The following DNAJC5 variants were observed in gnomAD, a reference collection of about 807,000 sequenced individuals.
DNAJC5 encodes the protein DnaJ heat shock protein family (Hsp40) member C5.
Under a neutral mutation model 23.2 loss-of-function variants are expected in DNAJC5, and 1 was observed. The ratio of observed to expected loss-of-function variants is 0.04; its 90% CI spans 0.02 to 0.20. The LOEUF (loss-of-function observed/expected upper bound fraction) is 0.20, where lower values mean the gene tolerates loss of function less well. DNAJC5 is among the 10% of genes least tolerant of loss of function. The pLI is 1.00. For synonymous variants in DNAJC5, 136 were observed against 120.0 expected, an observed-to-expected ratio of 1.13 and a Z score of -0.87; for missense variants, 180 against 267.0, an observed-to-expected ratio of 0.67 and a Z score of 2.27.
rs1187749920 is a variant in DNAJC5, at chr20:63,920,058, G to C, written c.-11-8277G>C. On this transcript the variant is annotated intron_variant, in intron 1 of 4. Transcript: ENST00000360864. The surrounding 1 kb of genome is among the most constrained non-coding windows in gnomAD (Gnocchi z 4.6). ...CTGTGTGGACATGTGCCCAGGGCCC[G>C]GGACAGCGCCACGGAAGAGGACGCA... 1 of 381,606 alleles carries C rather than the reference G, an allele frequency of 2.6e-6. No individual in the cohort carries two copies. The highest frequency in any genetic ancestry group is 5.0e-6 in the Non-Finnish European group (1 of 198,816). The allele number at this position is 381,606 out of a possible 1,614,324, so 23.6% of individuals were successfully genotyped here. A position where few individuals can be genotyped will look rare whatever the true frequency, so the allele number is the denominator to read the frequency against.
chr20:63,915,454 A>G (rs939321532), intron 1 of DNAJC5, among the ~76,000 whole-genome samples: 4 of 152,142 alleles, frequency 2.6e-5, no homozygotes, highest in Non-Finnish European at 5.9e-5. Flanking sequence ...GTGCTCATCA[A>G]AAGACACACC....
chr20:63,916,953 G>A (rs753213707), intron 1 of DNAJC5, among the ~76,000 whole-genome samples: 3 of 152,166 alleles, frequency 2.0e-5, no homozygotes, highest in Non-Finnish European at 2.9e-5. Context: ...TGAAAATCAC[G>A]ATTATTCTGT....
At chr20:63,910,299 C>G (rs561867172) in intron 1 of DNAJC5, among the ~76,000 whole-genome samples, 12 of 152,166 alleles carry the variant, frequency 7.9e-5, no homozygotes, top group African/African-American at 2.6e-4. Flanking sequence ...GGTCCCAGCA[C>G]TTTGGGAGGC....
rs1568989567 is a variant in DNAJC5, at chr20:63,929,684, A to ACCCGAGTCACTCCTGCCGTGCAGGCG, written c.321+180_321+181insAGGCGCCCGAGTCACTCCTGCCGTGC. ...CCCGAGTCTCTCCTGCCGTGCGGGC[A>ACCCGAGTCACTCCTGCCGTGCAGGCG]CCCGAGTCACTCCTGCCGTGCGGGC... On this transcript the variant is annotated intron_variant, in intron 3 of 4. Coordinates refer to ENST00000360864, the MANE Select transcript of DNAJC5 (RefSeq NM_025219.3). This position sits in a 1 kb window ranked among gnomAD's most constrained non-coding sequence, Gnocchi z 8.6. Among the ~76,000 whole-genome samples, 319 of 98,076 alleles carry ACCCGAGTCACTCCTGCCGTGCAGGCG rather than the reference A, an allele frequency of 3.3e-3. 20 individuals are homozygous for ACCCGAGTCACTCCTGCCGTGCAGGCG. Among genetic ancestry groups the ACCCGAGTCACTCCTGCCGTGCAGGCG allele is most frequent in the African/African-American group, 0.014 (294 of 20,326 alleles). The allele number at this position is 98,076 out of a possible 152,430, so 64.3% of individuals were successfully genotyped here. A position where few individuals can be genotyped will look rare whatever the true frequency, so the allele number is the denominator to read the frequency against.
chr20:63,914,057 G>A (rs767477385), intron 1 of DNAJC5, among the ~76,000 whole-genome samples: 3 of 152,232 alleles, frequency 2.0e-5, no homozygotes, highest in East Asian at 1.9e-4. Flanking sequence ...GGGAGAGAGC[G>A]AGGCAGTAGT....
intron 1 of DNAJC5, among the ~76,000 whole-genome samples, chr20:63,897,979 T>C (rs934867837): frequency 1.3e-5 from 2 of 152,230 alleles, no homozygotes; most frequent in African/African-American, 4.8e-5. Context: ...CTCAGGCATT[T>C]TTCCTCAGTT....
chr20:63,931,381 G>GC lies in DNAJC5; in HGVS notation c.494-81dup. The GC allele has an allele frequency of 7.8e-7, 1 of 1,282,022 alleles. No homozygotes were observed. The highest frequency in any genetic ancestry group is 1.1e-6 in the Non-Finnish European group (1 of 916,662). The allele number at this position is 1,282,022 out of a possible 1,614,324, so 79.4% of individuals were successfully genotyped here. On this transcript the variant is annotated intron_variant, in intron 4 of 4. Coordinates refer to ENST00000360864, the MANE Select transcript of DNAJC5 (RefSeq NM_025219.3). This position sits in a 1 kb window ranked among gnomAD's most constrained non-coding sequence, Gnocchi z 9.6. ...CTCCCGGTGGAGAGTTTGTCCAGGT[G>GC]CCCGAAAGTCGCTCCACAGGACCAG...
intron 1 of DNAJC5, among the ~76,000 whole-genome samples, chr20:63,914,770 C>T (rs1568980268): frequency 6.6e-6 from 1 of 152,012 alleles, no homozygotes; most frequent in African/African-American, 2.4e-5. Flanking sequence ...CACCTGCCAC[C>T]ACGCCCTGCT....
chr20:63,923,907 C>T (rs1026538195), intron 1 of DNAJC5, among the ~76,000 whole-genome samples: 8 of 152,096 alleles, frequency 5.3e-5, no homozygotes, highest in Admixed American at 5.2e-4. Context: ...GAGTTTTTTG[C>T]CTTAGTAATT....
rs1491527796 is a variant in DNAJC5, at chr20:63,931,043, CCG to C, written c.493+22_493+23del. 6.2e-6 allele frequency: 10 copies of C among 1,607,246 alleles called. No individual in the cohort carries two copies. Among genetic ancestry groups the C allele is most frequent in the Non-Finnish European group, 5.1e-6 (6 of 1,174,844 alleles). ...GAGGGGTGAGTGCCCGCCCCAGGGC[CCG>C]TGTGTGTGTGTGGGGCAGAGCCAGA... On this transcript the variant is annotated intron_variant, in intron 4 of 4. Coordinates refer to ENST00000360864, the MANE Select transcript of DNAJC5 (RefSeq NM_025219.3). The surrounding 1 kb of genome is among the most constrained non-coding windows in gnomAD (Gnocchi z 9.6).
At chr20:63,898,085 G>T (rs1362394706) in intron 1 of DNAJC5, among the ~76,000 whole-genome samples, 1 of 152,212 alleles carries the variant, frequency 6.6e-6, no homozygotes, top group Non-Finnish European at 1.5e-5. Context: ...ACAATCGTCA[G>T]AGCTGGAACT....
At chr20:63,910,244 A>G (rs1304197991) in intron 1 of DNAJC5, among the ~76,000 whole-genome samples, 1 of 152,080 alleles carries the variant, frequency 6.6e-6, no homozygotes, top group Non-Finnish European at 1.5e-5. Context: ...TGTTTGCACC[A>G]TCGAAAGTGA....
rs551721376 is a variant in DNAJC5, at chr20:63,929,232, G to A, written c.108-80G>A. On this transcript the variant is annotated intron_variant, in intron 2 of 4. Transcript: ENST00000360864. The surrounding 1 kb of genome is among the most constrained non-coding windows in gnomAD (Gnocchi z 8.6). ...TGCCTTCCACTGCACCCGGCAGTGC[G>A]TGCGGGTGGGATGGACGCGGCGGCG... 2,322 of 1,499,938 alleles carry A rather than the reference G, an allele frequency of 1.5e-3. 10 individuals are homozygous for A. Among genetic ancestry groups the A allele is most frequent in the South Asian group, 4.0e-3 (338 of 83,892 alleles). 92.9% of individuals were successfully genotyped at this position (1,499,938 alleles called of 1,614,324 possible).
Position 63,929,125 on chromosome 20 carries a change from C to G in DNAJC5, c.108-187C>G, listed in dbSNP as rs1190645034. Among the ~76,000 whole-genome samples the G allele has an allele frequency of 1.3e-5, 2 of 152,168 alleles. No homozygotes were observed. The highest frequency in any genetic ancestry group is 1.3e-4 in the Admixed American group (2 of 15,268). On this transcript the variant is annotated intron_variant, in intron 2 of 4. Coordinates refer to ENST00000360864, the MANE Select transcript of DNAJC5 (RefSeq NM_025219.3). The surrounding 1 kb of genome is among the most constrained non-coding windows in gnomAD (Gnocchi z 8.6). ...GGCTGGGTCAGGGTGAGGAGGTTTA[C>G]CTGAAACAACCGCGGAGCTTGCTTT...
chr20:63,927,552 G>A (rs1381805867), intron 1 of DNAJC5, among the ~76,000 whole-genome samples: 2 of 128,524 alleles, frequency 1.6e-5, no homozygotes, highest in South Asian at 2.3e-4. Flanking sequence ...CCCCAAAAAA[G>A]AAAGAAAGAA....
chr20:63,910,089 G>A (rs1439558495), intron 1 of DNAJC5, among the ~76,000 whole-genome samples: 3 of 152,304 alleles, frequency 2.0e-5, no homozygotes, highest in East Asian at 3.9e-4. Flanking sequence ...AAGACCACTC[G>A]TGTCTTCAGA....
At chr20:63,923,927 A>G (rs1482732677) in intron 1 of DNAJC5, among the ~76,000 whole-genome samples, 1 of 152,104 alleles carries the variant, frequency 6.6e-6, no homozygotes, top group Non-Finnish European at 1.5e-5. Context: ...TGACTTGTGT[A>G]AGAGTTCTTT....
At chr20:63,905,151 T>C (rs1291071302) in intron 1 of DNAJC5, among the ~76,000 whole-genome samples, 1 of 150,892 alleles carries the variant, frequency 6.6e-6, no homozygotes, top group South Asian at 2.1e-4. Context: ...GTCTCGCTCT[T>C]GTCGCCCAGG....
chr20:63,899,742 A>T (rs978661796), intron 1 of DNAJC5, among the ~76,000 whole-genome samples: 8 of 149,152 alleles, frequency 5.4e-5, no homozygotes, highest in East Asian at 4.0e-4. Flanking sequence ...CCACCACGCC[A>T]GGCTAATTTT....
Sources: allele counts gnomAD v4.1 joint callset (sites outside exome capture counted in the v4.1 genomes callset), GRCh38; gene constraint gnomAD v4.1.1; non-coding constraint Gnocchi (gnomAD v3.1); transcripts MANE v1.5; gene names NCBI Gene and HGNC (gene_info 2026-07-23, HGNC 2026-07-21).